Variants in ITGA8 observed in about 807,000 individuals in gnomAD.
ITGA8 encodes integrin alpha-8.
A neutral mutation model predicts 142.3 loss-of-function variants in ITGA8; 91 were observed. That is an observed-to-expected ratio of 0.64 (90% confidence interval 0.54 to 0.76). The LOEUF is 0.76. Among genes scored for constraint, ITGA8 ranks in the 30% least tolerant of loss-of-function variants. The pLI, the probability that ITGA8 is intolerant of heterozygous loss-of-function variation, is 0.00. For missense variants in ITGA8, 1,406 were observed against 1,327.7 expected (o/e 1.06, Z -0.92); for synonymous variants, 505 against 485.2 (o/e 1.04, Z -0.54).
rs368831453 is a variant in ITGA8, at chr10:15,718,801, G to A, written c.308C>T (p.Ser103Phe). The A allele has an allele frequency of 4.3e-6, 7 of 1,614,060 alleles. No homozygotes were observed. The African/African-American group carries it at 8.0e-5, about 18-fold the overall frequency. Reference sequence around the variant, plus strand: ...AAACGGTATCTGCCTGCACTGCGCAGACCCCTCCGCGGGCCAAGGACAGTA... The same window carrying A: ...AAACGGTATCTGCCTGCACTGCGCAAACCCCTCCGCGGGCCAAGGACAGTA... ...VYYCPWPAEG[S>F]AQCRQIPFDT... The change falls in exon 2 of 30, where the codon TCT becomes TTT. Residue 103 changes from serine (S) to phenylalanine (F), a missense_variant. Physicochemically the swap from Ser to Phe is radical, Grantham distance 155. Coordinates refer to ENST00000378076, the MANE Select transcript of ITGA8 (RefSeq NM_003638.3).
At chr10:15,641,844 T>G (rs1483244084) in intron 13 of ITGA8, among the ~76,000 whole-genome samples, 1 of 152,076 alleles carries the variant, frequency 6.6e-6, no homozygotes. Flanking sequence ...AATTAAGAGG[T>G]AATCGGCTGA....
At chr10:15,618,810 C>T (rs940656145) in intron 13 of ITGA8, among the ~76,000 whole-genome samples, 7 of 152,214 alleles carry the variant, frequency 4.6e-5, no homozygotes, top group Admixed American at 4.6e-4. Flanking sequence ...AGCTTGCAGA[C>T]AGCCTATTGT....
intron 15 of ITGA8, among the ~76,000 whole-genome samples, chr10:15,611,252 TTC>T (rs1248225657): frequency 2.0e-5 from 3 of 152,158 alleles, no homozygotes; most frequent in African/African-American, 7.2e-5. Flanking sequence ...GCTGTTAACT[TTC>T]TGTCTTCTGA....
At chr10:15,635,883 C>G (rs1176042126) in intron 13 of ITGA8, among the ~76,000 whole-genome samples, 1 of 150,730 alleles carries the variant, frequency 6.6e-6, no homozygotes, top group Non-Finnish European at 1.5e-5. Flanking sequence ...AGCCTCCTTC[C>G]ATGCGCAGGT....
chr10:15,534,518 G>A (rs1035616884), intron 27 of ITGA8, among the ~76,000 whole-genome samples: 26 of 152,176 alleles, frequency 1.7e-4, no homozygotes, highest in Non-Finnish European at 2.8e-4. Flanking sequence ...AAGGGTGAAT[G>A]AACACATCTA....
chr10:15,543,491 T>A (rs139464940), intron 27 of ITGA8, among the ~76,000 whole-genome samples: 1 of 152,344 alleles, frequency 6.6e-6, no homozygotes, highest in Non-Finnish European at 1.5e-5. Context: ...CCCCAACTGT[T>A]CTGGTTCAAA....
At chr10:15,594,676 G>A (rs575181898) in intron 21 of ITGA8, among the ~76,000 whole-genome samples, 5 of 152,188 alleles carry the variant, frequency 3.3e-5, no homozygotes, top group East Asian at 3.9e-4. Flanking sequence ...CAGCTACTCC[G>A]GAGGCTGAGG....
intron 25 of ITGA8, among the ~76,000 whole-genome samples, chr10:15,568,085 C>T (rs1228473407): frequency 1.3e-5 from 2 of 151,990 alleles, no homozygotes; most frequent in African/African-American, 4.8e-5. Context: ...TCATGCCTGG[C>T]TAATTTATTT....
At chr10:15,579,091 G>A (rs45474899) in intron 23 of ITGA8, among the ~76,000 whole-genome samples, 4,017 of 152,110 alleles carry the variant, frequency 0.026, 68 homozygotes, top group Non-Finnish European at 0.038. Context: ...TCCGGGAGAC[G>A]GAACATGGAA....
chr10:15,545,613 CT>C (rs773087857), intron 27 of ITGA8, among the ~76,000 whole-genome samples: 46 of 152,274 alleles, frequency 3.0e-4, no homozygotes, highest in Non-Finnish European at 4.4e-4. Flanking sequence ...GAGGCTACTA[CT>C]CTCCTGAATT....
chr10:15,537,391 C>A (rs963338139), intron 27 of ITGA8, among the ~76,000 whole-genome samples: 1 of 152,152 alleles, frequency 6.6e-6, no homozygotes, highest in African/African-American at 2.4e-5. Context: ...GAGCACACAG[C>A]GAATTGTACC....
At chr10:15,554,212 G>A (rs369520338) in intron 26 of ITGA8, among the ~76,000 whole-genome samples, 3 of 152,148 alleles carry the variant, frequency 2.0e-5, no homozygotes, top group Non-Finnish European at 4.4e-5. Flanking sequence ...GACTTCCGCA[G>A]CTCCCTGCTT....
chr10:15,677,000 A>G (rs1446210441), intron 6 of ITGA8, among the ~76,000 whole-genome samples: 1 of 152,056 alleles, frequency 6.6e-6, no homozygotes, highest in Non-Finnish European at 1.5e-5. Context: ...CAAGAGTGAA[A>G]CTCTGTCTCA....
At chr10:15,586,447 A>G in intron 23 of ITGA8, 137 bp downstream of exon 23, 1 of 588,270 alleles carries the variant, frequency 1.7e-6, no homozygotes, top group Non-Finnish European at 3.1e-6. Context: ...AACGATCAGT[A>G]GAAAAGAGTG....
intron 20 of ITGA8, among the ~76,000 whole-genome samples, chr10:15,601,935 G>A (rs1833111140): frequency 6.6e-6 from 1 of 152,216 alleles, no homozygotes. Context: ...TTCAAAGACT[G>A]AGTGAAGTCT....
chr10:15,708,883 G>C (rs552779410), intron 2 of ITGA8, among the ~76,000 whole-genome samples: 2 of 152,220 alleles, frequency 1.3e-5, no homozygotes, highest in African/African-American at 4.8e-5. Flanking sequence ...CCATGAAGCT[G>C]GGTCCCTGTG....
chr10:15,684,982 G>A (rs143082744), intron 3 of ITGA8, among the ~76,000 whole-genome samples: 1 of 152,114 alleles, frequency 6.6e-6, no homozygotes, highest in African/African-American at 2.4e-5. Context: ...TCATCTGGAC[G>A]CACTTCTCCA....
At chr10:15,694,661 ATATCTATATTTGTCGACATATATAT>A (rs1835014716) in intron 2 of ITGA8, among the ~76,000 whole-genome samples, 1 of 114,804 alleles carries the variant, frequency 8.7e-6, no homozygotes, top group African/African-American at 3.0e-5. Context: ...AATATATATT[ATATCTATATTTGTCGACATATATAT>A]ATATATATAT....
chr10:15,679,445 G>A (rs1246705250), intron 4 of ITGA8, among the ~76,000 whole-genome samples: 1 of 152,102 alleles, frequency 6.6e-6, no homozygotes, highest in African/African-American at 2.4e-5. Flanking sequence ...AGCTGGGCAT[G>A]GTGGTGCATG....
Sources: gnomAD v4.1 joint callset for allele counts (sites outside exome capture counted in the v4.1 genomes callset) on GRCh38, gnomAD v4.1.1 for gene constraint, MANE v1.5 for transcripts, NCBI Gene and HGNC (gene_info 2026-07-23, HGNC 2026-07-21) for gene names.